Variants in PYROXD1 observed in about 807,000 individuals in gnomAD.
The protein encoded by PYROXD1 is tRNA ligase complex-associated NAD(P)H dehydrogenase PYROXD1.
A neutral mutation model predicts 62.0 loss-of-function variants in PYROXD1; 42 were observed. The ratio of observed to expected loss-of-function variants is 0.68; its 90% CI spans 0.53 to 0.88. The LOEUF (loss-of-function observed/expected upper bound fraction) is 0.88. Ranked by LOEUF, PYROXD1 falls within the 40% of genes least tolerant of loss-of-function variation. The probability of loss-of-function intolerance (pLI) is 0.00; values close to 1 mark genes in which losing one functional copy is unlikely to be tolerated. For synonymous variants in PYROXD1, 170 were observed against 206.4 expected, an observed-to-expected ratio of 0.82 and a Z score of 1.51; for missense variants, 493 against 604.8, an observed-to-expected ratio of 0.82 and a Z score of 1.94.
intron 7 of PYROXD1, among the ~76,000 whole-genome samples, chr12:21,458,158 A>G (rs1455200844): frequency 1.3e-5 from 2 of 152,138 alleles, no homozygotes; most frequent in African/African-American, 4.8e-5. Context: ...CTGAAAATCT[A>G]CTGTTTAGTG....
rs1942893499 is a variant in PYROXD1, at chr12:21,469,977, T to A, written c.*1223T>A. 2 of 538,746 alleles carry A rather than the reference T, an allele frequency of 3.7e-6. No homozygotes were observed. Among genetic ancestry groups the A allele is most frequent in the East Asian group, 8.1e-5 (2 of 24,562 alleles). The allele number at this position is 538,746 out of a possible 1,614,324, so 33.4% of individuals were successfully genotyped here. ...ACATTTAAAGGGTTTTACATAAAAATTTTTCCCTTGTTTTATACTGGAAAA... is the reference window on the plus strand; with the variant it reads ...ACATTTAAAGGGTTTTACATAAAAAATTTTCCCTTGTTTTATACTGGAAAA... On this transcript the variant is annotated 3_prime_UTR_variant, in exon 12 of 12. Coordinates refer to ENST00000240651, the MANE Select transcript of PYROXD1 (RefSeq NM_024854.5).
chr12:21,470,539 G>A lies in PYROXD1; in HGVS notation c.*1785G>A. On this transcript the variant is annotated 3_prime_UTR_variant, in exon 12 of 12. Transcript: ENST00000240651. ...TTTTGAATAAAAGGGGCTACGTTGT[G>A]AGAGAAGTTCTAAAGACCTCAAATG... is the stretch of plus-strand genomic sequence containing the variant. The A allele has an allele frequency of 1.1e-6, 1 of 929,884 alleles. No individual in the cohort carries two copies. The highest frequency in any genetic ancestry group is 1.5e-6 in the Non-Finnish European group (1 of 676,116). 57.6% of individuals were successfully genotyped at this position (929,884 alleles called of 1,614,324 possible). A position where few individuals can be genotyped will look rare whatever the true frequency, so the allele number is the denominator to read the frequency against.
rs770708915 is a variant in PYROXD1 at position 21,471,145 on chromosome 12, C to T, written c.*2391C>T. 2.6e-6 allele frequency: 4 copies of T among 1,515,404 alleles called. No individual in the cohort carries two copies. Among genetic ancestry groups the T allele is most frequent in the East Asian group, 2.4e-5 (1 of 41,472 alleles). The allele number at this position is 1,515,404 out of a possible 1,614,324, so 93.9% of individuals were successfully genotyped here. A position where few individuals can be genotyped will look rare whatever the true frequency, so the allele number is the denominator to read the frequency against. On this transcript the variant is annotated 3_prime_UTR_variant, in exon 12 of 12. Transcript: ENST00000240651. ...AATAAGAAAGCTTTTGAAGGAATCA[C>T]GGAAAACAAATTTATAAAAGAAATA...
At chr12:21,456,272 T>C (rs542148418) in intron 7 of PYROXD1, among the ~76,000 whole-genome samples, 177 bp downstream of exon 7, 1 of 152,234 alleles carries the variant, frequency 6.6e-6, no homozygotes, top group Admixed American at 6.5e-5. Flanking sequence ...CAAAGAAAAC[T>C]GAATGTCAAA....
chr12:21,457,810 G>GGTCC (rs1942626125), intron 7 of PYROXD1, among the ~76,000 whole-genome samples: 1 of 44,556 alleles, frequency 2.2e-5, no homozygotes. Context: ...CTGTCCCCAT[G>GGTCC]ATCCAGTCAC....
intron 2 of PYROXD1, among the ~76,000 whole-genome samples, chr12:21,442,138 T>C (rs890923589): frequency 1.3e-5 from 2 of 152,226 alleles, no homozygotes; most frequent in Admixed American, 1.3e-4. Flanking sequence ...AGGGGATCCC[T>C]GTTGGCACTG....
intron 3 of PYROXD1, among the ~76,000 whole-genome samples, chr12:21,446,699 C>T (rs1942396180): frequency 6.6e-6 from 1 of 151,906 alleles, no homozygotes; most frequent in Non-Finnish European, 1.5e-5. Context: ...ATGGCTTTAG[C>T]CTAGAAGTTC....
At position 21,454,865 on chromosome 12, in the gene PYROXD1, C is replaced by T. The variant is rs2192180; in HGVS notation, c.489-267C>T. On this transcript the variant is annotated intron_variant, in intron 5 of 11. Coordinates refer to ENST00000240651, the MANE Select transcript of PYROXD1 (RefSeq NM_024854.5). ...ATTGAACATTTTCTAATGATGTACA[C>T]TGTAATGAAATTTTACTTGATATTC... 226,465 of 228,874 alleles carry T rather than the reference C, an allele frequency of 0.99. 112,100 individuals are homozygous for T. Among genetic ancestry groups the T allele is most frequent in the East Asian group, 1 (11,750 of 11,750 alleles). 14.2% of individuals were successfully genotyped at this position (228,874 alleles called of 1,614,324 possible). A position where few individuals can be genotyped will look rare whatever the true frequency, so the allele number is the denominator to read the frequency against.
chr12:21,455,619 T>G (rs562824181), intron 6 of PYROXD1, among the ~76,000 whole-genome samples: 1,882 of 151,878 alleles, frequency 0.012, 34 homozygotes, highest in African/African-American at 0.042. Flanking sequence ...TTCATATTTT[T>G]TTAAGTTTGA....
chr12:21,466,098 C>T lies in PYROXD1; in HGVS notation c.1117-1383C>T, dbSNP rs1364366864. Among the ~76,000 whole-genome samples, 54 of 151,688 alleles carry T rather than the reference C, an allele frequency of 3.6e-4. No individual in the cohort carries two copies. In the South Asian group the frequency reaches 3.8e-3, roughly 11 times the overall value. ...TGTAGTACAGTTTGAAGTCAGGTAG[C>T]GTGATGCCTCCAGCTTTGTTCTTTT... On this transcript the variant is annotated intron_variant, in intron 10 of 11. Coordinates refer to ENST00000240651, the MANE Select transcript of PYROXD1 (RefSeq NM_024854.5).
rs1353879874 is a variant in PYROXD1, at chr12:21,449,607, CTG to C, written c.332_333del (p.Cys111SerfsTer6). 1.2e-6 allele frequency: 2 copies of C among 1,613,024 alleles called. No homozygotes were observed. Among genetic ancestry groups the C allele is most frequent in the Admixed American group, 3.3e-5 (2 of 59,940 alleles). ...DGNQHVYKKL[C>X]LCAGAKPKLI... ...GCAATCAGCACGTATATAAGAAACT[CTG>C]TCTGTGTGCTGGAGCTAAACCAAAG... On this transcript the variant is annotated frameshift_variant, in exon 4 of 12. Coordinates refer to ENST00000240651, the MANE Select transcript of PYROXD1 (RefSeq NM_024854.5). LOFTEE classifies it high-confidence loss of function.
intron 10 of PYROXD1, among the ~76,000 whole-genome samples, chr12:21,463,692 CAA>C (rs11325981): frequency 1.2e-3 from 161 of 135,966 alleles, no homozygotes; most frequent in South Asian, 1.9e-3. Flanking sequence ...AACTCTGTCT[CAA>C]AAAAAAAAAA....
Position 21,456,100 on chromosome 12 carries a change from C to T in PYROXD1, c.750+5C>T. On this transcript the variant is annotated splice_donor_5th_base_variant and intron_variant, in intron 7 of 11. Transcript: ENST00000240651. ...AATCTTAAAGGAACAAAAGAGGTAT[C>T]TTTTCATATACTAATTGGTCATGTC... is the stretch of plus-strand genomic sequence containing the variant. 6.5e-7 allele frequency: 1 copy of T among 1,528,468 alleles called. No homozygotes were observed. The highest frequency in any genetic ancestry group is 1.8e-5 in the Admixed American group (1 of 56,986). 94.7% of individuals were successfully genotyped at this position (1,528,468 alleles called of 1,614,324 possible). A position where few individuals can be genotyped will look rare whatever the true frequency, so the allele number is the denominator to read the frequency against.
intron 2 of PYROXD1, among the ~76,000 whole-genome samples, chr12:21,443,084 T>G (rs7308263): frequency 0.49 from 74,752 of 151,822 alleles, 18,464 homozygotes; most frequent in Middle Eastern, 0.59. Context: ...AATACCTCCA[T>G]GTATTCTGGA....
At chr12:21,457,066 C>G in intron 7 of PYROXD1, 1 of 296,596 alleles carries the variant, frequency 3.4e-6, no homozygotes, top group Non-Finnish European at 6.6e-6. Flanking sequence ...AATCTTGAAT[C>G]CCTCAAAGTC....
Position 21,468,667 on chromosome 12 carries a change from A to C in PYROXD1, c.1416A>C (p.Glu472Asp), listed in dbSNP as rs1373103217. 1 of 1,612,572 alleles carries C rather than the reference A, an allele frequency of 6.2e-7. No individual in the cohort carries two copies. Among genetic ancestry groups the C allele is most frequent in the East Asian group, 2.2e-5 (1 of 44,800 alleles). ...IGETDLEETFENLILNQMNLS... is the reference protein window; with the variant it reads ...IGETDLEETFDNLILNQMNLS... ...AAACCGATTTAGAAGAAACATTTGAAAACCTAATCTTAAACCAAATGAATC... is the reference window on the plus strand; with the variant it reads ...AAACCGATTTAGAAGAAACATTTGACAACCTAATCTTAAACCAAATGAATC... The change falls in exon 12 of 12, where the codon GAA (glutamate) becomes GAC (aspartate). Residue 472 changes from glutamate (E) to aspartate (D), a missense_variant. Physicochemically the swap from Glu to Asp is conservative, Grantham distance 45. Around this residue, in one of 2 missense-constraint regions of PYROXD1, gnomAD observed 329 missense variants for 446.6 expected, o/e 0.74. Coordinates refer to ENST00000240651, the MANE Select transcript of PYROXD1 (RefSeq NM_024854.5).
At chr12:21,466,535 A>AATC (rs1465011771) in intron 10 of PYROXD1, among the ~76,000 whole-genome samples, 1 of 152,126 alleles carries the variant, frequency 6.6e-6, no homozygotes, top group African/African-American at 2.4e-5. Context: ...GACTTTGCTG[A>AATC]AGTTGCTTAT....
chr12:21,454,982 C>T (rs192923235), intron 5 of PYROXD1, 150 bp from the exon 6 acceptor site: 17 of 418,008 alleles, frequency 4.1e-5, no homozygotes, highest in Admixed American at 2.6e-4. Context: ...CTGTAAAGAA[C>T]GTTAATATTC....
intron 2 of PYROXD1, among the ~76,000 whole-genome samples, chr12:21,444,491 G>A (rs548038401): frequency 1.3e-5 from 2 of 152,268 alleles, no homozygotes; most frequent in African/African-American, 4.8e-5. Context: ...GTTACAAAGA[G>A]CATGATTCAT....
Sources: allele counts gnomAD v4.1 joint callset (sites outside exome capture counted in the v4.1 genomes callset), GRCh38; gene constraint gnomAD v4.1.1; regional missense constraint gnomAD v4.1.1; transcripts MANE v1.5; gene names NCBI Gene and HGNC (gene_info 2026-07-23, HGNC 2026-07-21).